TBC1D5: variants seen among roughly 807,000 people sequenced by gnomAD.
TBC1D5 encodes TBC1 domain family member 5.
In TBC1D5, 75 loss-of-function variants were observed where a neutral mutation model predicts 100.3. The ratio of observed to expected loss-of-function variants is 0.75; its 90% CI spans 0.62 to 0.91. The LOEUF is 0.91. Ranked by LOEUF, TBC1D5 falls within the 40% of genes least tolerant of loss-of-function variation. TBC1D5 has a pLI of 0.00. For missense variants in TBC1D5, 910 were observed against 942.4 expected (o/e 0.97, Z 0.45); for synonymous variants, 323 against 325.6 (o/e 0.99, Z 0.09).
chr3:17,718,188 C>G (rs1027213438), intron 1 of TBC1D5, among the ~76,000 whole-genome samples: 1 of 152,192 alleles, frequency 6.6e-6, no homozygotes, highest in African/African-American at 2.4e-5. Flanking sequence ...TCTCTTCCCA[C>G]CCACTGGCAT....
intron 13 of TBC1D5, among the ~76,000 whole-genome samples, chr3:17,347,617 G>T (rs1015174160): frequency 6.6e-6 from 1 of 151,194 alleles, no homozygotes; most frequent in South Asian, 2.1e-4. Context: ...AAGCAACTGA[G>T]TTGTAAAAAT....
At chr3:17,361,355 G>C (rs1421601433) in intron 13 of TBC1D5, among the ~76,000 whole-genome samples, 1 of 151,772 alleles carries the variant, frequency 6.6e-6, no homozygotes, top group Non-Finnish European at 1.5e-5. Context: ...AATTATAGCT[G>C]GAGACAGAAC....
rs554294289 is a variant in TBC1D5 at position 17,162,202 on chromosome 3, A to T, written c.2095-946T>A. Among the ~76,000 whole-genome samples, 42 of 152,174 alleles carry T rather than the reference A, an allele frequency of 2.8e-4. 1 individual carries two copies. The South Asian group carries it at 8.5e-3, about 31-fold the overall frequency. ...CTCACCCTGTCTGCCTACCCTCCCC[A>T]CAGCATGGGTGGAGTCTCGTGCTGG... On this transcript the variant is annotated intron_variant, in intron 21 of 21. Coordinates refer to ENST00000253692, the Ensembl canonical transcript of TBC1D5.
At chr3:17,318,102 T>C (rs2084922017) in intron 13 of TBC1D5, among the ~76,000 whole-genome samples, 1 of 151,868 alleles carries the variant, frequency 6.6e-6, no homozygotes, top group Non-Finnish European at 1.5e-5. Flanking sequence ...CTGGAAATCA[T>C]CATTCTCAGT....
chr3:17,552,574 C>T (rs1356069667), intron 2 of TBC1D5, among the ~76,000 whole-genome samples: 1 of 152,014 alleles, frequency 6.6e-6, no homozygotes, highest in Non-Finnish European at 1.5e-5. Flanking sequence ...GGACATAGTA[C>T]TAAATAAGAC....
At chr3:17,539,972 G>A (rs1226760453) in intron 2 of TBC1D5, among the ~76,000 whole-genome samples, 1 of 152,096 alleles carries the variant, frequency 6.6e-6, no homozygotes, top group African/African-American at 2.4e-5. Context: ...AGTGCACAAG[G>A]GTTCCAATTT....
At chr3:17,453,965 G>A (rs187167385) in intron 3 of TBC1D5, among the ~76,000 whole-genome samples, 7 of 152,158 alleles carry the variant, frequency 4.6e-5, no homozygotes, top group East Asian at 1.9e-4. Context: ...CAACATATGC[G>A]AATCAATCAA....
intron 3 of TBC1D5, among the ~76,000 whole-genome samples, chr3:17,481,723 C>A (rs1181760385): frequency 6.6e-6 from 1 of 152,178 alleles, no homozygotes; most frequent in Non-Finnish European, 1.5e-5. Context: ...TTCAATGTTG[C>A]GTTTCTGGCA....
chr3:17,238,260 GGTAGGA>G, exon 17 of TBC1D5: 1 of 1,614,042 alleles, frequency 6.2e-7, no homozygotes, highest in Non-Finnish European at 8.5e-7. Flanking sequence ...CTGAGGTCCT[GGTAGGA>G]ATTACAACAG....
intron 13 of TBC1D5, among the ~76,000 whole-genome samples, chr3:17,365,925 C>A (rs2092094359): frequency 6.6e-6 from 1 of 152,112 alleles, no homozygotes; most frequent in Admixed American, 6.5e-5. Context: ...GCTTTATAAT[C>A]CTTCATTTCC....
chr3:17,230,784 T>C (rs1449888), intron 17 of TBC1D5, among the ~76,000 whole-genome samples: 77,300 of 151,896 alleles, frequency 0.51, 20,788 homozygotes, highest in African/African-American at 0.68. Context: ...TCTAGTCATC[T>C]CTCAGTATCC....
chr3:17,165,959 C>T (rs1559333788), intron 21 of TBC1D5, among the ~76,000 whole-genome samples: 1 of 152,124 alleles, frequency 6.6e-6, no homozygotes, highest in Non-Finnish European at 1.5e-5. Context: ...CATTTTCTCA[C>T]TGGTCAAATG....
intron 13 of TBC1D5, among the ~76,000 whole-genome samples, chr3:17,361,913 A>G (rs2151892179): frequency 6.6e-6 from 1 of 152,204 alleles, no homozygotes; most frequent in East Asian, 1.9e-4. Context: ...GAAAGAAAGA[A>G]AAAGAGAAAG....
At chr3:17,423,842 G>GA (rs2094276561) in intron 4 of TBC1D5, among the ~76,000 whole-genome samples, 1 of 152,038 alleles carries the variant, frequency 6.6e-6, no homozygotes, top group African/African-American at 2.4e-5. Flanking sequence ...ACAAAACTAA[G>GA]ATGAGGTACA....
At chr3:17,576,722 C>G (rs551127074) in intron 2 of TBC1D5, among the ~76,000 whole-genome samples, 1 of 151,922 alleles carries the variant, frequency 6.6e-6, no homozygotes, top group Non-Finnish European at 1.5e-5. Flanking sequence ...CGTGTATACA[C>G]AAAATGAATC....
At chr3:17,370,326 A>G (rs2092389507) in intron 13 of TBC1D5, among the ~76,000 whole-genome samples, 1 of 152,220 alleles carries the variant, frequency 6.6e-6, no homozygotes, top group Non-Finnish European at 1.5e-5. Context: ...GATCTTAGCA[A>G]GCAATTTTTG....
intron 4 of TBC1D5, among the ~76,000 whole-genome samples, chr3:17,410,868 A>C (rs2093904831): frequency 6.6e-6 from 1 of 152,162 alleles, no homozygotes; most frequent in Non-Finnish European, 1.5e-5. Flanking sequence ...AGGTGCTGTG[A>C]ATATTGTTAA....
chr3:17,347,519 T>TAAAAA (rs2090050984), intron 13 of TBC1D5, among the ~76,000 whole-genome samples: 1 of 152,134 alleles, frequency 6.6e-6, no homozygotes, highest in Non-Finnish European at 1.5e-5. Flanking sequence ...ACAAGTTACC[T>TAAAAA]AAAATCATAA....
intron 1 of TBC1D5, among the ~76,000 whole-genome samples, chr3:17,716,798 G>C (rs1314463021): frequency 6.6e-6 from 1 of 152,054 alleles, no homozygotes. Flanking sequence ...AATATTTGTA[G>C]AGCAGAGAGA....
Sources: gnomAD v4.1 joint callset for allele counts (sites outside exome capture counted in the v4.1 genomes callset) on GRCh38, gnomAD v4.1.1 for gene constraint, MANE v1.5 for transcripts, NCBI Gene and HGNC (gene_info 2026-07-23, HGNC 2026-07-21) for gene names.